EEFSEC: variants seen among roughly 807,000 people sequenced by gnomAD.
EEFSEC encodes the protein selenocysteine-specific elongation factor.
EEFSEC carries 43 observed loss-of-function variants against 42.1 expected under a neutral mutation model. The ratio of observed to expected loss-of-function variants is 1.02; its 90% CI spans 0.80 to 1.32. The LOEUF is 1.32. Among genes scored for constraint, EEFSEC ranks in the 40% most tolerant of loss-of-function variants. The pLI is 0.00. For synonymous variants in EEFSEC, 354 were observed against 339.1 expected (o/e 1.04, Z -0.48); for missense variants, 745 against 803.6 (o/e 0.93, Z 0.88).
intron 1 of EEFSEC, among the ~76,000 whole-genome samples, chr3:128,186,225 T>G (rs1322296797): frequency 6.6e-6 from 1 of 152,242 alleles, no homozygotes; most frequent in African/African-American, 2.4e-5. Flanking sequence ...TGTTAATATA[T>G]CTTCTTTGGA....
At chr3:128,169,124 A>C (rs1463943379) in intron 1 of EEFSEC, among the ~76,000 whole-genome samples, 1 of 152,244 alleles carries the variant, frequency 6.6e-6, no homozygotes, top group Non-Finnish European at 1.5e-5. Flanking sequence ...TAAGCAGGAC[A>C]AGACAGGATG....
At position 128,341,382 on chromosome 3, in the gene EEFSEC, C is replaced by G. The variant is rs995059068; in HGVS notation, c.936C>G (p.Val312=). The part of the protein sequence containing the change: ...LVCAPESLHT[V]HAALISVEKI... ...GTGCCCCCGAGTCCCTGCACACTGT[C>G]CATGCGGCCCTCATCTCTGTGGAAA... The change falls in exon 5 of 7, where the codon GTC becomes GTG. Residue 312 remains valine, a synonymous_variant. Transcript: ENST00000254730. 6.2e-7 allele frequency: 1 copy of G among 1,614,142 alleles called. No individual in the cohort carries two copies. The highest frequency in any genetic ancestry group is 8.5e-7 in the Non-Finnish European group (1 of 1,180,034).
intron 4 of EEFSEC, among the ~76,000 whole-genome samples, chr3:128,288,664 T>C (rs2066611552): frequency 6.6e-6 from 1 of 152,256 alleles, no homozygotes; most frequent in Admixed American, 6.5e-5. Context: ...GGACCTATAC[T>C]TTATACTTTG....
intron 5 of EEFSEC, among the ~76,000 whole-genome samples, chr3:128,352,351 A>G (rs540197547): frequency 6.6e-6 from 1 of 152,348 alleles, no homozygotes; most frequent in East Asian, 1.9e-4. Flanking sequence ...TGCCCCCAGT[A>G]CACACAGCAG....
intron 1 of EEFSEC, among the ~76,000 whole-genome samples, chr3:128,204,964 CG>C (rs1459564796): frequency 1.3e-5 from 2 of 152,144 alleles, no homozygotes; most frequent in Non-Finnish European, 2.9e-5. Context: ...TGCTGCGTGA[CG>C]GGCTTCCCTA....
intron 4 of EEFSEC, among the ~76,000 whole-genome samples, chr3:128,265,847 A>C (rs571301573): frequency 6.6e-6 from 1 of 152,374 alleles, no homozygotes; most frequent in African/African-American, 2.4e-5. Context: ...AGGTAAAGAT[A>C]CATAGATGTA....
At chr3:128,292,615 T>C (rs1334366632) in intron 4 of EEFSEC, among the ~76,000 whole-genome samples, 2 of 151,884 alleles carry the variant, frequency 1.3e-5, no homozygotes, top group African/African-American at 4.8e-5. Context: ...TATACTCTTA[T>C]TATCTTTTAA....
At chr3:128,324,161 G>C (rs55989768) in intron 4 of EEFSEC, among the ~76,000 whole-genome samples, 26,506 of 152,034 alleles carry the variant, frequency 0.17, 3,070 homozygotes, top group African/African-American at 0.33. Context: ...GCTGAATGCC[G>C]AAGGGCCAGC....
chr3:128,326,843 C>T (rs1308896802), intron 4 of EEFSEC, among the ~76,000 whole-genome samples: 1 of 152,168 alleles, frequency 6.6e-6, no homozygotes, highest in African/African-American at 2.4e-5. Flanking sequence ...GAAAAGGAGG[C>T]CTGTTGCATC....
chr3:128,179,959 T>C (rs1399958447), intron 1 of EEFSEC, among the ~76,000 whole-genome samples: 1 of 152,176 alleles, frequency 6.6e-6, no homozygotes, highest in African/African-American at 2.4e-5. Flanking sequence ...TTGAGATTCA[T>C]GTTTGTGAGT....
chr3:128,233,020 G>A (rs898602277), intron 1 of EEFSEC, among the ~76,000 whole-genome samples: 2 of 152,166 alleles, frequency 1.3e-5, no homozygotes, highest in Non-Finnish European at 2.9e-5. Context: ...GGGGTGGGCC[G>A]CTCCTGGCTG....
At chr3:128,334,437 G>T (rs1202382671) in intron 4 of EEFSEC, among the ~76,000 whole-genome samples, 2 of 152,242 alleles carry the variant, frequency 1.3e-5, no homozygotes, top group Non-Finnish European at 2.9e-5. Context: ...GCAGGGTGTG[G>T]TTCTGCTCGA....
At chr3:128,211,859 T>C (rs1473167096) in intron 1 of EEFSEC, among the ~76,000 whole-genome samples, 5 of 117,878 alleles carry the variant, frequency 4.2e-5, no homozygotes, top group African/African-American at 9.8e-5. Context: ...TTTTTTTTTT[T>C]TTTTTTTTTT....
At chr3:128,164,143 G>A (rs996455839) in intron 1 of EEFSEC, among the ~76,000 whole-genome samples, 1 of 152,130 alleles carries the variant, frequency 6.6e-6, no homozygotes, top group African/African-American at 2.4e-5. Context: ...AGCTTGTGTG[G>A]TGGGAAAGGA....
intron 6 of EEFSEC, among the ~76,000 whole-genome samples, chr3:128,385,352 G>A (rs1391352823): frequency 6.6e-6 from 1 of 152,200 alleles, no homozygotes; most frequent in African/African-American, 2.4e-5. Context: ...CATACATCCT[G>A]TCTGAAGGGG....
In EEFSEC at chr3:128,296,088, C is replaced by G. The variant is rs75353156; in HGVS notation, c.786+31307C>G. On this transcript the variant is annotated intron_variant, in intron 4 of 6. Coordinates refer to ENST00000254730, the MANE Select transcript of EEFSEC (RefSeq NM_021937.5). ...GATAGAGAGTGAGAGATTATCCAGG[C>G]CCTGGTACTGGGAGCTGAGCTTGCC... is the stretch of plus-strand genomic sequence containing the variant. 4.0e-3 allele frequency among the ~76,000 whole-genome samples: 605 copies of G among 152,254 alleles called. 25 individuals carry two copies. In the East Asian group the frequency reaches 0.064, roughly 16 times the overall value.
intron 1 of EEFSEC, among the ~76,000 whole-genome samples, chr3:128,156,078 G>A (rs959948706): frequency 6.6e-6 from 1 of 152,236 alleles, no homozygotes; most frequent in African/African-American, 2.4e-5. Flanking sequence ...CGAGTTTTTA[G>A]TGTTGTCTAG....
At chr3:128,228,132 C>A (rs1282982584) in intron 1 of EEFSEC, among the ~76,000 whole-genome samples, 1 of 152,194 alleles carries the variant, frequency 6.6e-6, no homozygotes, top group Non-Finnish European at 1.5e-5. Flanking sequence ...TCATTCACTT[C>A]ATACATATTT....
intron 6 of EEFSEC, among the ~76,000 whole-genome samples, chr3:128,388,540 G>C (rs1207758095): frequency 6.6e-6 from 1 of 152,256 alleles, no homozygotes; most frequent in East Asian, 1.9e-4. Flanking sequence ...CAGGTGGGCT[G>C]TGTCTCCACT....
Sources: gnomAD v4.1 joint callset for allele counts (sites outside exome capture counted in the v4.1 genomes callset) on GRCh38, gnomAD v4.1.1 for gene constraint, MANE v1.5 for transcripts, NCBI Gene and HGNC (gene_info 2026-07-23, HGNC 2026-07-21) for gene names.